PITPNM2: variants seen among roughly 807,000 people sequenced by gnomAD.
PITPNM2 encodes the protein membrane-associated phosphatidylinositol transfer protein 2.
A neutral mutation model predicts 132.2 loss-of-function variants in PITPNM2; 35 were observed. The observed-to-expected ratio is 0.26, with a 90% CI of 0.20 to 0.35. The LOEUF (loss-of-function observed/expected upper bound fraction) is 0.35. Among genes scored for constraint, PITPNM2 ranks in the 10% least tolerant of loss-of-function variants. The pLI is 1.00. For missense variants in PITPNM2, 1,332 were observed against 1,912.0 expected, an observed-to-expected ratio of 0.70 and a Z score of 5.66; for synonymous variants, 738 against 799.2, an observed-to-expected ratio of 0.92 and a Z score of 1.29.
intron 16 of PITPNM2, chr12:122,991,936 G>C: frequency 7.7e-7 from 1 of 1,305,130 alleles, no homozygotes; most frequent in Non-Finnish European, 9.7e-7. Context: ...GACAAGAACA[G>C]ACACTTGCAT....
chr12:123,062,334 T>G (rs866664887), intron 2 of PITPNM2, among the ~76,000 whole-genome samples: 2 of 152,154 alleles, frequency 1.3e-5, no homozygotes, highest in South Asian at 4.1e-4. Context: ...TAGAACACTA[T>G]GCCTGGCAAC....
Position 123,009,823 on chromosome 12 carries a change from C to T in PITPNM2, c.643+27G>A, listed in dbSNP as rs2039106525. On this transcript the variant is annotated intron_variant, in intron 6 of 25. Coordinates refer to ENST00000320201, the MANE Select transcript of PITPNM2 (RefSeq NM_020845.3). This position sits in a 1 kb window ranked among gnomAD's most constrained non-coding sequence, Gnocchi z 4.8. Reference sequence around the variant, plus strand: ...ACAGAGGGGTTGGGTAGCCCAGCCACTGCCCACCTGGCATGGGTGTGCTCA... The same window carrying T: ...ACAGAGGGGTTGGGTAGCCCAGCCATTGCCCACCTGGCATGGGTGTGCTCA... 1 of 1,605,642 alleles carries T rather than the reference C, an allele frequency of 6.2e-7. No individual in the cohort carries two copies. The highest frequency in any genetic ancestry group is 8.5e-7 in the Non-Finnish European group (1 of 1,172,526).
rs563317963 is a variant in PITPNM2, at chr12:123,134,843, G to C, written c.-200+15910C>G. Among the ~76,000 whole-genome samples, 3 of 152,202 alleles carry C rather than the reference G, an allele frequency of 2.0e-5. No individual in the cohort carries two copies. The South Asian group carries it at 6.2e-4, about 32-fold the overall frequency. ...GACCTTGAGGAAATAAGGCCTCTGC[G>C]GGACTCAGTTTTCTCATCTGTACAA... On this transcript the variant is annotated intron_variant, in intron 1 of 25. Coordinates refer to ENST00000320201, the MANE Select transcript of PITPNM2 (RefSeq NM_020845.3).
At chr12:123,112,817 C>T (rs2042867208) in intron 1 of PITPNM2, among the ~76,000 whole-genome samples, 1 of 152,096 alleles carries the variant, frequency 6.6e-6, no homozygotes, top group Non-Finnish European at 1.5e-5. Context: ...GGATTACAGG[C>T]GTGAGCCACT....
At chr12:122,996,110 GTGAGAAAAAC>G (rs937983580) in intron 13 of PITPNM2, among the ~76,000 whole-genome samples, 2 of 152,178 alleles carry the variant, frequency 1.3e-5, no homozygotes, top group African/African-American at 4.8e-5. Flanking sequence ...GAAAGAGATT[GTGAGAAAAAC>G]TGCTACAGCT....
chr12:122,991,006 C>T (rs373817393), intron 16 of PITPNM2, among the ~76,000 whole-genome samples: 1 of 152,210 alleles, frequency 6.6e-6, no homozygotes, highest in Non-Finnish European at 1.5e-5. Flanking sequence ...AGCTTGTCTC[C>T]AGCACCCCAG....
intron 2 of PITPNM2, among the ~76,000 whole-genome samples, chr12:123,043,396 C>G (rs551492232): frequency 6.6e-6 from 1 of 152,140 alleles, no homozygotes; most frequent in Non-Finnish European, 1.5e-5. Flanking sequence ...CCCCACCCCC[C>G]ACAGATTCCT....
At chr12:123,006,674 C>A (rs543853458) in intron 6 of PITPNM2, among the ~76,000 whole-genome samples, 34 of 151,410 alleles carry the variant, frequency 2.2e-4, no homozygotes, top group Non-Finnish European at 4.0e-4. Flanking sequence ...GATCATGCCA[C>A]TGCACTCCAG....
chr12:123,063,174 A>G (rs1198677137), intron 2 of PITPNM2, among the ~76,000 whole-genome samples: 1 of 152,210 alleles, frequency 6.6e-6, no homozygotes, highest in Non-Finnish European at 1.5e-5. Context: ...TGGGCAAGCA[A>G]GGGTAGGCAG....
intron 1 of PITPNM2, among the ~76,000 whole-genome samples, chr12:123,125,864 GTTTTTTTT>G (rs373787897): frequency 7.7e-5 from 5 of 64,844 alleles, no homozygotes; most frequent in African/African-American, 2.3e-4. Context: ...AAAAATTAGG[GTTTTTTTT>G]TTTTTTTTTT....
chr12:123,072,679 T>G (rs1395068253), intron 2 of PITPNM2, among the ~76,000 whole-genome samples: 1 of 152,244 alleles, frequency 6.6e-6, no homozygotes, highest in East Asian at 1.9e-4. Context: ...TGTCAACAGC[T>G]GCTCAAGGTT....
intron 2 of PITPNM2, among the ~76,000 whole-genome samples, chr12:123,044,448 G>C (rs938944517): frequency 6.6e-6 from 1 of 152,212 alleles, no homozygotes; most frequent in African/African-American, 2.4e-5. Flanking sequence ...TGTGCTGCAG[G>C]CCCTGTCCCA....
intron 1 of PITPNM2, among the ~76,000 whole-genome samples, chr12:123,125,573 T>G (rs1183177233): frequency 6.6e-6 from 1 of 151,990 alleles, no homozygotes; most frequent in Non-Finnish European, 1.5e-5. Flanking sequence ...GGCCAGGCGC[T>G]GTGGCTCACG....
At chr12:123,068,903 C>T (rs1333097281) in intron 2 of PITPNM2, among the ~76,000 whole-genome samples, 1 of 152,162 alleles carries the variant, frequency 6.6e-6, no homozygotes. Context: ...CAGCTTTTCT[C>T]AAACTGAAGT....
rs144330407 is a variant in PITPNM2 at position 123,042,097 on chromosome 12, C to T, written c.-95-7412G>A. ...GACCAGGGTTCCAGGCACAGGCAGA[C>T]GACCAAGAAGAGCTGTGAGGGATGT... is the stretch of plus-strand genomic sequence containing the variant. On this transcript the variant is annotated intron_variant, in intron 2 of 25. Coordinates refer to ENST00000320201, the MANE Select transcript of PITPNM2 (RefSeq NM_020845.3). Among the ~76,000 whole-genome samples the T allele has an allele frequency of 3.0e-4, 46 of 152,032 alleles. 1 individual carries two copies. The highest frequency in any genetic ancestry group is 1.7e-3 in the South Asian group (8 of 4,788).
At chr12:123,061,562 G>T (rs1202156675) in intron 2 of PITPNM2, among the ~76,000 whole-genome samples, 2 of 152,248 alleles carry the variant, frequency 1.3e-5, no homozygotes, top group African/African-American at 4.8e-5. Flanking sequence ...GTCCCAGTGG[G>T]CAAGAAGCTT....
chr12:123,066,389 G>T (rs762874107), intron 2 of PITPNM2, among the ~76,000 whole-genome samples: 6 of 152,120 alleles, frequency 3.9e-5, no homozygotes, highest in Non-Finnish European at 8.8e-5. Context: ...GAGCATTGTG[G>T]GTACTCCCCA....
intron 20 of PITPNM2, 41 bp downstream of exon 20, chr12:122,988,192 AG>A: frequency 6.6e-7 from 1 of 1,517,304 alleles, no homozygotes; most frequent in South Asian, 1.1e-5. Context: ...GGCTGGTGAC[AG>A]GGTGACATCG....
intron 3 of PITPNM2, among the ~76,000 whole-genome samples, chr12:123,027,366 G>C (rs1007148676): frequency 2.6e-5 from 4 of 152,218 alleles, no homozygotes; most frequent in Non-Finnish European, 4.4e-5. Flanking sequence ...ACAGGGTGGA[G>C]AGCATGTAAC....
Sources: allele counts gnomAD v4.1 joint callset (sites outside exome capture counted in the v4.1 genomes callset), GRCh38; gene constraint gnomAD v4.1.1; non-coding constraint Gnocchi (gnomAD v3.1); transcripts MANE v1.5; gene names NCBI Gene and HGNC (gene_info 2026-07-23, HGNC 2026-07-21).